Variants in THSD7B observed in about 807,000 individuals in gnomAD.
THSD7B encodes thrombospondin type-1 domain-containing protein 7B.
In THSD7B, 138 loss-of-function variants were observed where a neutral mutation model predicts 213.6. The ratio of observed to expected loss-of-function variants is 0.65; its 90% CI spans 0.56 to 0.74. The LOEUF (loss-of-function observed/expected upper bound fraction) is 0.74. Among genes scored for constraint, THSD7B ranks in the 30% least tolerant of loss-of-function variants. The pLI, the probability that THSD7B is intolerant of heterozygous loss-of-function variation, is 0.00. For synonymous variants in THSD7B, 742 were observed against 687.0 expected, an observed-to-expected ratio of 1.08 and a Z score of -1.25; for missense variants, 1,931 against 1,991.5, an observed-to-expected ratio of 0.97 and a Z score of 0.58.
intron 3 of THSD7B, among the ~76,000 whole-genome samples, chr2:137,068,816 T>C (rs1401908147): frequency 6.6e-6 from 1 of 152,040 alleles, no homozygotes; most frequent in Admixed American, 6.6e-5. Flanking sequence ...GTTTTGATTA[T>C]GGCTACTGTT....
rs56719114 is a variant in THSD7B, at chr2:136,802,639, TTATATATATATATATATATATATA to T, written c.-36+36972_-36+36995del. 8.7e-4 allele frequency among the ~76,000 whole-genome samples: 50 copies of T among 57,382 alleles called. 1 individual carries two copies. Among genetic ancestry groups the T allele is most frequent in the Middle Eastern group, 0.011 (1 of 90 alleles). The allele number at this position is 57,382 out of a possible 152,430, so 37.6% of individuals were successfully genotyped here. A position where few individuals can be genotyped will look rare whatever the true frequency, so the allele number is the denominator to read the frequency against. The stretch of plus-strand genomic sequence containing the variant: ...TTTAAAAATAATTTATGAATTAAGT[TTATATATATATATATATATATATA>T]TATATATATATATATATATGTAGTA... On this transcript the variant is annotated intron_variant, in intron 1 of 27. Coordinates refer to ENST00000409968, the MANE Select transcript of THSD7B (RefSeq NM_001316349.2).
intron 12 of THSD7B, among the ~76,000 whole-genome samples, chr2:137,311,358 A>T (rs1007874290): frequency 6.6e-6 from 1 of 151,976 alleles, no homozygotes; most frequent in African/African-American, 2.4e-5. Flanking sequence ...TTGATTTTGT[A>T]TCCTGAGACT....
chr2:137,560,108 T>C (rs940207548), intron 15 of THSD7B, among the ~76,000 whole-genome samples: 1 of 122,206 alleles, frequency 8.2e-6, no homozygotes, highest in Admixed American at 8.4e-5. Context: ...TTTACACTGT[T>C]GGTGGGACTG....
rs541264797 is a variant in THSD7B, at chr2:136,869,984, A to G, written c.-35-12160A>G. ...CTACTCAGGAGGCTGAGGCAGGAGA[A>G]TCACTTGAAACTGGAAGGCAGATGT... On this transcript the variant is annotated intron_variant, in intron 1 of 27. Coordinates refer to ENST00000409968, the MANE Select transcript of THSD7B (RefSeq NM_001316349.2). Among the ~76,000 whole-genome samples the G allele has an allele frequency of 4.0e-5, 6 of 151,576 alleles. No individual in the cohort carries two copies. The South Asian group carries it at 1.2e-3, about 31-fold the overall frequency.
chr2:137,245,556 C>T (rs528759487), intron 10 of THSD7B, among the ~76,000 whole-genome samples: 2 of 152,308 alleles, frequency 1.3e-5, no homozygotes, highest in Admixed American at 6.5e-5. Flanking sequence ...CATCCTCCTC[C>T]ATTAAGTAGA....
At chr2:136,818,642 A>T (rs905992929) in intron 1 of THSD7B, among the ~76,000 whole-genome samples, 1 of 152,210 alleles carries the variant, frequency 6.6e-6, no homozygotes, top group Non-Finnish European at 1.5e-5. Context: ...TTAGGAATTG[A>T]CTATAGTCCC....
chr2:137,381,369 G>A (rs1310513203), intron 12 of THSD7B, among the ~76,000 whole-genome samples: 1 of 152,232 alleles, frequency 6.6e-6, no homozygotes, highest in East Asian at 1.9e-4. Flanking sequence ...CAGTCCCTGA[G>A]GGATGCTGCA....
At chr2:137,120,312 C>T (rs1688523969) in intron 5 of THSD7B, among the ~76,000 whole-genome samples, 1 of 151,882 alleles carries the variant, frequency 6.6e-6, no homozygotes, top group South Asian at 2.1e-4. Flanking sequence ...CTGGATTCCT[C>T]ACAATGACAG....
chr2:136,787,296 C>T (rs1681878503), intron 1 of THSD7B, among the ~76,000 whole-genome samples: 1 of 151,552 alleles, frequency 6.6e-6, no homozygotes, highest in Non-Finnish European at 1.5e-5. Context: ...GTATAGTATA[C>T]TTTTGATTAA....
At chr2:137,497,158 T>C (rs920009655) in intron 15 of THSD7B, among the ~76,000 whole-genome samples, 1 of 151,776 alleles carries the variant, frequency 6.6e-6, no homozygotes, top group Admixed American at 6.6e-5. Context: ...TTAGGCTTCT[T>C]ATGAATGAAA....
intron 1 of THSD7B, among the ~76,000 whole-genome samples, chr2:136,789,911 G>A (rs879028107): frequency 6.6e-6 from 1 of 152,110 alleles, no homozygotes; most frequent in Admixed American, 6.6e-5. Flanking sequence ...CATGAGCAAA[G>A]GACTCTTCAA....
rs76414764 is a variant in THSD7B, at chr2:137,386,302, A to G, written c.2501-19311A>G. ...TTATTTCTGTTTCTTTCATCTGTGT[A>G]TCTTAGGCCACTAGTGCTGGGCCTG... On this transcript the variant is annotated intron_variant, in intron 12 of 27. Coordinates refer to ENST00000409968, the MANE Select transcript of THSD7B (RefSeq NM_001316349.2). Among the ~76,000 whole-genome samples, 1,393 of 152,266 alleles carry G rather than the reference A, an allele frequency of 9.1e-3. 19 individuals are homozygous for G. The highest frequency in any genetic ancestry group is 0.031 in the African/African-American group (1,287 of 41,564).
In THSD7B at chr2:137,667,854, C is replaced by A; in HGVS notation, c.4732C>A (p.Leu1578Ile). 1 of 1,588,146 alleles carries A rather than the reference C, an allele frequency of 6.3e-7. No individual in the cohort carries two copies. The highest frequency in any genetic ancestry group is 1.1e-5 in the South Asian group (1 of 87,286). The change falls in exon 27 of 28, where the codon CTT becomes ATT. Residue 1578 changes from leucine to isoleucine, a missense_variant. Coordinates refer to ENST00000409968, the MANE Select transcript of THSD7B (RefSeq NM_001316349.2). ...GATTTTCCTAATATTTACTTCCTAC[C>A]TTGTTTGGTAAGTACTAATTAGTAA... ...IMIFLIFTSY[L>I]VCKKPKPHQS...
rs1687921396 is a variant in THSD7B, at chr2:137,090,073, A to G, written c.951-4800A>G. 3.9e-5 allele frequency among the ~76,000 whole-genome samples: 6 copies of G among 152,100 alleles called. 1 individual carries two copies. The South Asian group carries it at 1.2e-3, about 32-fold the overall frequency. Reference sequence around the variant, plus strand: ...ATGTCACCAAACACCACTGTTCTCCAATAACCTATGAAAATAAAAAAATTA... The same window carrying G: ...ATGTCACCAAACACCACTGTTCTCCGATAACCTATGAAAATAAAAAAATTA... On this transcript the variant is annotated intron_variant, in intron 3 of 27. Transcript: ENST00000409968.
chr2:136,773,918 T>A (rs1681555365), intron 1 of THSD7B, among the ~76,000 whole-genome samples: 1 of 151,536 alleles, frequency 6.6e-6, no homozygotes, highest in South Asian at 2.1e-4. Context: ...ACCACTTCCA[T>A]GACTGCTTTC....
chr2:136,931,836 T>A (rs1334902078), intron 2 of THSD7B, among the ~76,000 whole-genome samples: 1 of 152,334 alleles, frequency 6.6e-6, no homozygotes, highest in South Asian at 2.1e-4. Flanking sequence ...TATAGTATAT[T>A]GGCACATTTA....
chr2:136,809,251 C>T (rs1682338393), intron 1 of THSD7B, among the ~76,000 whole-genome samples: 2 of 151,994 alleles, frequency 1.3e-5, no homozygotes, highest in South Asian at 2.1e-4. Flanking sequence ...AGACAGTGAG[C>T]AGGAATCTGG....
intron 14 of THSD7B, among the ~76,000 whole-genome samples, chr2:137,436,969 C>T (rs1687306376): frequency 6.6e-6 from 1 of 152,090 alleles, no homozygotes; most frequent in Non-Finnish European, 1.5e-5. Flanking sequence ...TAATTTTGCA[C>T]ACACCTAGGT....
intron 17 of THSD7B, among the ~76,000 whole-genome samples, chr2:137,588,744 G>A (rs1411251704): frequency 2.0e-5 from 3 of 151,050 alleles, no homozygotes; most frequent in Admixed American, 6.6e-5. Flanking sequence ...ATATTGGTAT[G>A]TTGACTCATG....
Sources: allele counts gnomAD v4.1 joint callset (sites outside exome capture counted in the v4.1 genomes callset), GRCh38; gene constraint gnomAD v4.1.1; transcripts MANE v1.5; gene names NCBI Gene and HGNC (gene_info 2026-07-23, HGNC 2026-07-21).